Variants in ACLY observed in about 807,000 individuals in gnomAD.
ACLY encodes ATP citrate lyase, also known as ATP-citrate synthase.
ACLY carries 41 observed loss-of-function variants against 133.0 expected under a neutral mutation model. The ratio of observed to expected loss-of-function variants is 0.31; its 90% CI spans 0.24 to 0.40. ACLY has a LOEUF of 0.40. ACLY is among the 10% of genes least tolerant of loss of function. The probability of loss-of-function intolerance (pLI) is 1.00; values close to 1 mark genes in which losing one functional copy is unlikely to be tolerated. For missense variants in ACLY, 1,046 were observed against 1,453.8 expected (o/e 0.72, Z 4.56); for synonymous variants, 495 against 549.3 (o/e 0.90, Z 1.38).
chr17:41,894,604 A>C (rs2049313707), intron 14 of ACLY, among the ~76,000 whole-genome samples: 1 of 151,858 alleles, frequency 6.6e-6, no homozygotes, highest in African/African-American at 2.4e-5. Flanking sequence ...ATTATTACGC[A>C]TTGCACGCCT....
chr17:41,905,496 G>A (rs1289803574), intron 9 of ACLY, 26 bp downstream of exon 9: 1 of 1,614,008 alleles, frequency 6.2e-7, no homozygotes, highest in Non-Finnish European at 8.5e-7. Context: ...AGTGGGGACA[G>A]GTATGTGTGT....
upstream of ACLY, among the ~76,000 whole-genome samples, chr17:41,922,458 GA>G (rs373826503): frequency 2.1e-3 from 290 of 138,468 alleles, 2 homozygotes; most frequent in African/African-American, 6.2e-3. Flanking sequence ...CCCTGTATGA[GA>G]AAAAAAAAAA....
In ACLY at chr17:41,869,606, G is replaced by T. The variant is rs781937318; in HGVS notation, c.2938-19C>A. 1 of 1,589,058 alleles carries T rather than the reference G, an allele frequency of 6.3e-7. No individual in the cohort carries two copies. The highest frequency in any genetic ancestry group is 1.1e-5 in the South Asian group (1 of 90,642). ...TGTTTATCTAGAAATGAACCCAACG[G>T]TACAGAGGAACACTCACACACTGCT... On this transcript the variant is annotated intron_variant, in intron 25 of 28. Coordinates refer to ENST00000352035, the MANE Select transcript of ACLY (RefSeq NM_001096.3).
upstream of ACLY, among the ~76,000 whole-genome samples, chr17:41,921,486 AAAAAAAAAAC>A (rs1241379700): frequency 5.6e-4 from 84 of 150,570 alleles, no homozygotes; most frequent in African/African-American, 1.9e-3. Context: ...TCAGAAAAAA[AAAAAAAAAAC>A]AAAAAAGAAA....
chr17:41,886,342 G>C, intron 17 of ACLY, 34 bp from the exon 18 acceptor site: 1 of 1,563,678 alleles, frequency 6.4e-7, no homozygotes, highest in Non-Finnish European at 8.7e-7. Flanking sequence ...AGGGAGGAAG[G>C]TGACTTCCAG....
At chr17:41,924,365 T>G (rs2050217311) in intron 1 of ACLY, among the ~76,000 whole-genome samples, 1 of 151,462 alleles carries the variant, frequency 6.6e-6, no homozygotes, top group South Asian at 2.1e-4. Flanking sequence ...GCCAGGATGG[T>G]CTCAATCTCC....
chr17:41,907,461 C>A lies in ACLY; in HGVS notation c.728G>T (p.Gly243Val). The A allele has an allele frequency of 6.2e-7, 1 of 1,613,962 alleles. No individual in the cohort carries two copies. The highest frequency in any genetic ancestry group is 1.1e-5 in the South Asian group (1 of 91,074). Residue 243 changes from glycine (G) to valine (V), a missense_variant, in exon 7 of 29, where the codon GGG (glycine) becomes GTG (valine). Around this residue, in one of 4 missense-constraint regions of ACLY, gnomAD observed 575 missense variants for 804.2 expected, o/e 0.71. Coordinates refer to ENST00000352035, the MANE Select transcript of ACLY (RefSeq NM_001096.3). ...CCTTACCTCTGGATATGCCTCCCGC[C>A]CGAAGGGGGGAGGGAACTCGATGTC... ...WGDIEFPPPF[G>V]REAYPEEAYI...
chr17:41,924,821 A>T (rs968479229), intron 1 of ACLY, among the ~76,000 whole-genome samples: 15 of 152,174 alleles, frequency 9.9e-5, no homozygotes, highest in African/African-American at 2.9e-4. Context: ...CATGCAGCCC[A>T]ACCAGGTCCA....
Position 41,878,860 on chromosome 17 carries a change from T to A in ACLY, c.2330A>T (p.Gln777Leu). The change falls in exon 21 of 29, where the codon CAG (glutamine) becomes CTG (leucine). Residue 777 changes from glutamine to leucine, a missense_variant. By Grantham distance (113) the Gln-to-Leu change is moderately radical (BLOSUM62 -2). Coordinates refer to ENST00000352035, the MANE Select transcript of ACLY (RefSeq NM_001096.3). ...QASETAVAKN[Q>L]ALKEAGVFVP... is the part of the protein sequence containing the mutation. ...AAACACTCCTGCTTCCTTCAAAGCC[T>A]GGTTCTTGGCTACTGCAGTTTCAGA... 2 of 1,614,084 alleles carry A rather than the reference T, an allele frequency of 1.2e-6. No individual in the cohort carries two copies. Among genetic ancestry groups the A allele is most frequent in the Middle Eastern group, 1.6e-4 (1 of 6,062 alleles).
chr17:41,897,884 TG>T, intron 12 of ACLY, 45 bp from the exon 13 acceptor site: 1 of 1,556,048 alleles, frequency 6.4e-7, no homozygotes. Flanking sequence ...GAGTCACACC[TG>T]GGAAAAAAGC....
At chr17:41,882,508 G>A (rs756274472) in intron 20 of ACLY, among the ~76,000 whole-genome samples, 1 of 151,516 alleles carries the variant, frequency 6.6e-6, no homozygotes, top group Admixed American at 6.6e-5. Flanking sequence ...CCTTCAAGGT[G>A]GTAAAGGGTT....
chr17:41,915,368 T>A (rs1269008121), intron 1 of ACLY, among the ~76,000 whole-genome samples: 1 of 151,970 alleles, frequency 6.6e-6, no homozygotes, highest in Non-Finnish European at 1.5e-5. Context: ...CAAGTACAAA[T>A]AAAGGAGGGC....
chr17:41,909,846 A>T (rs1555633365), intron 4 of ACLY, 146 bp from the exon 5 acceptor site: 1 of 733,724 alleles, frequency 1.4e-6, no homozygotes, highest in African/African-American at 1.8e-5. Flanking sequence ...AGTGAAAACC[A>T]TTCATCCAGA....
In ACLY at chr17:41,873,971, CAG is replaced by C; in HGVS notation, c.2488-8_2488-7del. ...TTGCGGATCAAACCAAGCTCCTGGGCAGAGATGGGGAAGAGGGAAGCAGGGCC... is the reference window on the plus strand; with the variant it reads ...TTGCGGATCAAACCAAGCTCCTGGGCAGATGGGGAAGAGGGAAGCAGGGCC... On this transcript the variant is annotated splice_polypyrimidine_tract_variant and splice_region_variant and intron_variant, in intron 22 of 28. Coordinates refer to ENST00000352035, the MANE Select transcript of ACLY (RefSeq NM_001096.3). The C allele has an allele frequency of 6.3e-7, 1 of 1,589,160 alleles. No individual in the cohort carries two copies. The highest frequency in any genetic ancestry group is 8.6e-7 in the Non-Finnish European group (1 of 1,163,102).
At chr17:41,900,069 C>CAAAAAAAAAAAAAAAAAAAAAAA (rs60296550) in intron 11 of ACLY, among the ~76,000 whole-genome samples, 6 of 46,628 alleles carry the variant, frequency 1.3e-4, no homozygotes, top group Non-Finnish European at 2.1e-4. Flanking sequence ...ACCCTGTCTC[C>CAAAAAAAAAAAAAAAAAAAAAAA]AAAAAAAAAA....
intron 11 of ACLY, 84 bp from the exon 12 acceptor site, chr17:41,898,869 C>T (rs1555630976): frequency 1.5e-5 from 21 of 1,359,312 alleles, no homozygotes; most frequent in Non-Finnish European, 9.0e-6. Context: ...GGGCCTTTTA[C>T]AGCCATGATC....
At chr17:41,913,600 T>A in intron 2 of ACLY, 115 bp downstream of exon 2, 4 of 1,141,026 alleles carry the variant, frequency 3.5e-6, no homozygotes, top group Non-Finnish European at 5.0e-6. Flanking sequence ...TTCCCACAGC[T>A]GCTGCTGGCA....
chr17:41,873,350 T>A (rs1247003456), intron 23 of ACLY, among the ~76,000 whole-genome samples: 1 of 152,074 alleles, frequency 6.6e-6, no homozygotes, highest in Non-Finnish European at 1.5e-5. Context: ...TGGCTACCTT[T>A]TTGTATTTTT....
In ACLY at chr17:41,873,979, G is replaced by A. The variant is rs2048665132; in HGVS notation, c.2488-14C>T. 6.3e-7 allele frequency: 1 copy of A among 1,580,186 alleles called. No individual in the cohort carries two copies. Among genetic ancestry groups the A allele is most frequent in the Non-Finnish European group, 8.6e-7 (1 of 1,156,746 alleles). On this transcript the variant is annotated splice_polypyrimidine_tract_variant and intron_variant, in intron 22 of 28. Coordinates refer to ENST00000352035, the MANE Select transcript of ACLY (RefSeq NM_001096.3). Reference sequence around the variant, plus strand: ...CAAACCAAGCTCCTGGGCAGAGATGGGGAAGAGGGAAGCAGGGCCCTGGTG... The same window carrying A: ...CAAACCAAGCTCCTGGGCAGAGATGAGGAAGAGGGAAGCAGGGCCCTGGTG...
Sources: gnomAD v4.1 joint callset for allele counts (sites outside exome capture counted in the v4.1 genomes callset) on GRCh38, gnomAD v4.1.1 for gene constraint, gnomAD v4.1.1 regional missense constraint, MANE v1.5 for transcripts, NCBI Gene and HGNC (gene_info 2026-07-23, HGNC 2026-07-21) for gene names.